USP31: variants seen among roughly 807,000 people sequenced by gnomAD.
The protein encoded by USP31 is ubiquitin carboxyl-terminal hydrolase 31.
A neutral mutation model predicts 119.4 loss-of-function variants in USP31; 44 were observed. That is an observed-to-expected ratio of 0.37 (90% CI 0.29 to 0.47). USP31 has a LOEUF of 0.47. Ranked by LOEUF, USP31 falls within the 20% of genes least tolerant of loss-of-function variation. USP31 has a pLI of 0.99. For missense variants in USP31, 1,643 were observed against 1,730.2 expected (o/e 0.95, Z 0.89); for synonymous variants, 749 against 705.6 (o/e 1.06, Z -0.97).
rs557633618 is a variant in USP31 at position 23,124,763 on chromosome 16, C to A, written c.634-16580G>T. Among the ~76,000 whole-genome samples the A allele has an allele frequency of 2.9e-4, 44 of 152,168 alleles. 3 individuals are homozygous for A. The East Asian group carries it at 8.3e-3, about 29-fold the overall frequency. ...AATTAGCCAGGTGTGGTGGTGGGTG[C>A]CCGTAAGCCCAGCTACTTGGGAGGC... On this transcript the variant is annotated intron_variant, in intron 1 of 15. Coordinates refer to ENST00000219689, the MANE Select transcript of USP31 (RefSeq NM_020718.4).
intron 1 of USP31, among the ~76,000 whole-genome samples, chr16:23,141,365 T>C (rs1903346738): frequency 6.6e-6 from 1 of 151,576 alleles, no homozygotes; most frequent in Non-Finnish European, 1.5e-5. Flanking sequence ...TATTTCTCTT[T>C]AGCATTTATA....
chr16:23,084,961 T>C lies in USP31; in HGVS notation c.1729A>G (p.Ile577Val). ...AGACGAACACTTTCTGCATCAGGAA[T>C]ATACTCATCCTCAGTATTTACAAAT... is the stretch of plus-strand genomic sequence containing the variant. ...FLFVNTEDEYIPDAESVRLQR... is the reference protein window; with the variant it reads ...FLFVNTEDEYVPDAESVRLQR... The change falls in exon 11 of 16, where the codon ATT becomes GTT. Residue 577 changes from isoleucine to valine, a missense_variant. Transcript: ENST00000219689. 6.2e-7 allele frequency: 1 copy of C among 1,614,078 alleles called. No homozygotes were observed. Among genetic ancestry groups the C allele is most frequent in the South Asian group, 1.1e-5 (1 of 91,080 alleles).
At chr16:23,128,877 G>C (rs1473168820) in intron 1 of USP31, among the ~76,000 whole-genome samples, 1 of 152,142 alleles carries the variant, frequency 6.6e-6, no homozygotes, top group African/African-American at 2.4e-5. Flanking sequence ...CATGGACAGA[G>C]GAACATCTTA....
At chr16:23,100,907 T>C (rs561635145) in intron 6 of USP31, among the ~76,000 whole-genome samples, 3 of 152,020 alleles carry the variant, frequency 2.0e-5, no homozygotes, top group Non-Finnish European at 2.9e-5. Flanking sequence ...GAAAAGCACA[T>C]GGCATGTCTG....
intron 1 of USP31, among the ~76,000 whole-genome samples, chr16:23,144,887 G>A (rs1033690929): frequency 2.0e-5 from 3 of 152,074 alleles, no homozygotes; most frequent in African/African-American, 7.2e-5. Flanking sequence ...CTAACCGGGG[G>A]AATAAAAAGG....
At chr16:23,123,321 T>G (rs749609357) in intron 1 of USP31, among the ~76,000 whole-genome samples, 34 of 152,156 alleles carry the variant, frequency 2.2e-4, no homozygotes, top group Non-Finnish European at 3.4e-4. Flanking sequence ...ATGGATCACC[T>G]GAGGTCAGGA....
chr16:23,074,878 T>C lies in USP31; in HGVS notation c.2177-998A>G, dbSNP rs563151244. 4.6e-5 allele frequency among the ~76,000 whole-genome samples: 7 copies of C among 152,338 alleles called. No homozygotes were observed. The South Asian group carries it at 1.5e-3, about 32-fold the overall frequency. ...TCCAGAAAAGTACATTATGATCACA[T>C]TTTCTAAAAATATGCATTTATTTGG... On this transcript the variant is annotated intron_variant, in intron 13 of 15. Transcript: ENST00000219689.
chr16:23,127,675 T>C (rs1415697419), intron 1 of USP31, among the ~76,000 whole-genome samples: 2 of 150,056 alleles, frequency 1.3e-5, no homozygotes, highest in Admixed American at 6.6e-5. Context: ...AGACGGGGTT[T>C]CACCATCTTG....
In USP31 at chr16:23,130,835, G is replaced by C. The variant is rs115849931; in HGVS notation, c.633+17803C>G. Among the ~76,000 whole-genome samples, 617 of 152,326 alleles carry C rather than the reference G, an allele frequency of 4.1e-3. 2 individuals are homozygous for C. The highest frequency in any genetic ancestry group is 5.2e-3 in the Non-Finnish European group (353 of 68,036). On this transcript the variant is annotated intron_variant, in intron 1 of 15. Coordinates refer to ENST00000219689, the MANE Select transcript of USP31 (RefSeq NM_020718.4). ...AAACATTTTTGGCAGATACATCAGC[G>C]TAAGTCACGTGCTAGTAACACACCC...
rs372523002 is a variant in USP31, at chr16:23,068,958, C to A, written c.3147G>T (p.Gln1049His). ...LRKGRPALASQESSLSSTSPS... is the reference protein window; with the variant it reads ...LRKGRPALASHESSLSSTSPS... Reference sequence around the variant, plus strand: ...GGGATGTACTTGAAAGGGATGACTCCTGGCTTGCCAAGGCTGGTCTCCCCT... The same window carrying A: ...GGGATGTACTTGAAAGGGATGACTCATGGCTTGCCAAGGCTGGTCTCCCCT... Residue 1049 changes from glutamine (Q) to histidine (H), a missense_variant, in exon 16 of 16, where the codon CAG (glutamine) becomes CAT (histidine). Coordinates refer to ENST00000219689, the MANE Select transcript of USP31 (RefSeq NM_020718.4). 137 of 1,614,062 alleles carry A rather than the reference C, an allele frequency of 8.5e-5. No individual in the cohort carries two copies. The highest frequency in any genetic ancestry group is 1.1e-4 in the Non-Finnish European group (135 of 1,180,030).
chr16:23,091,398 C>T (rs1327672624), intron 6 of USP31, among the ~76,000 whole-genome samples: 1 of 152,154 alleles, frequency 6.6e-6, no homozygotes. Flanking sequence ...GCAGAGCTCC[C>T]TGTCAATCAA....
chr16:23,148,581 G>T (rs1294939526), intron 1 of USP31, 57 bp downstream of exon 1: 1 of 1,406,030 alleles, frequency 7.1e-7, no homozygotes, highest in Non-Finnish European at 9.2e-7. Flanking sequence ...AGACCTGGGC[G>T]GGCAGGTGCC....
chr16:23,108,800 A>G (rs1270582192), intron 1 of USP31, among the ~76,000 whole-genome samples: 1 of 152,234 alleles, frequency 6.6e-6, no homozygotes. Flanking sequence ...AATACATGTT[A>G]CATAACAAAG....
At chr16:23,144,752 G>A (rs1238370527) in intron 1 of USP31, among the ~76,000 whole-genome samples, 1 of 152,130 alleles carries the variant, frequency 6.6e-6, no homozygotes, top group East Asian at 1.9e-4. Context: ...AAAGTGCCGG[G>A]ATTACAGACA....
chr16:23,075,086 C>T (rs2141833157), intron 13 of USP31, among the ~76,000 whole-genome samples: 1 of 152,206 alleles, frequency 6.6e-6, no homozygotes, highest in Middle Eastern at 3.4e-3. Context: ...AAGGGCTACA[C>T]CAGACAAGTC....
In USP31 at chr16:23,138,692, A is replaced by G. The variant is rs1034323909; in HGVS notation, c.633+9946T>C. ...CCACCCTAGACCTTGAAATTTTCTGAAGAAGCCATGTTGTTTGAGGTTCCA... is the reference window on the plus strand; with the variant it reads ...CCACCCTAGACCTTGAAATTTTCTGGAGAAGCCATGTTGTTTGAGGTTCCA... On this transcript the variant is annotated intron_variant, in intron 1 of 15. Coordinates refer to ENST00000219689, the MANE Select transcript of USP31 (RefSeq NM_020718.4). Among the ~76,000 whole-genome samples the G allele has an allele frequency of 2.0e-5, 3 of 152,070 alleles. No homozygotes were observed. The East Asian group carries it at 5.8e-4, about 29-fold the overall frequency.
At chr16:23,112,921 G>A (rs1185419625) in intron 1 of USP31, among the ~76,000 whole-genome samples, 5 of 151,896 alleles carry the variant, frequency 3.3e-5, no homozygotes, top group South Asian at 2.1e-4. Flanking sequence ...CCAGCTACTC[G>A]AGAGGCTGAG....
intron 15 of USP31, among the ~76,000 whole-genome samples, chr16:23,071,663 G>A (rs1567224682): frequency 1.3e-5 from 2 of 151,586 alleles, no homozygotes; most frequent in East Asian, 1.9e-4. Context: ...GCCAAGCCTG[G>A]AGCCGACTCC....
intron 1 of USP31, among the ~76,000 whole-genome samples, chr16:23,128,156 C>T (rs1423878031): frequency 6.6e-6 from 1 of 152,302 alleles, no homozygotes; most frequent in South Asian, 2.1e-4. Flanking sequence ...GAAATCACTC[C>T]TTTCTTAGAA....
Sources: allele counts gnomAD v4.1 joint callset (sites outside exome capture counted in the v4.1 genomes callset), GRCh38; gene constraint gnomAD v4.1.1; transcripts MANE v1.5; gene names NCBI Gene and HGNC (gene_info 2026-07-23, HGNC 2026-07-21).